IFT81: variants seen among roughly 807,000 people sequenced by gnomAD.
IFT81 encodes intraflagellar transport 81, also known as intraflagellar transport protein 81 homolog.
In IFT81, 72 loss-of-function variants were observed where a neutral mutation model predicts 102.6. The ratio of observed to expected loss-of-function variants is 0.70; its 90% CI spans 0.58 to 0.85. The LOEUF (loss-of-function observed/expected upper bound fraction) is 0.85, where lower values mean the gene tolerates loss of function less well. Among genes scored for constraint, IFT81 ranks in the 40% least tolerant of loss-of-function variants. IFT81 has a pLI of 0.00. For synonymous variants in IFT81, 237 were observed against 242.7 expected (o/e 0.98, Z 0.22); for missense variants, 723 against 787.3 (o/e 0.92, Z 0.98).
chr12:110,192,485 G>A, intron 13 of IFT81, 132 bp from the exon 14 acceptor site: 1 of 534,036 alleles, frequency 1.9e-6, no homozygotes, highest in Non-Finnish European at 3.4e-6. Flanking sequence ...GCACTTCTCT[G>A]TTGTTTGGGA....
intron 10 of IFT81, among the ~76,000 whole-genome samples, chr12:110,154,611 AGC>A (rs1895733836): frequency 6.7e-6 from 1 of 148,948 alleles, no homozygotes. Flanking sequence ...TGGGTGACAG[AGC>A]AAGACTCTGT....
chr12:110,137,003 G>A lies in IFT81; in HGVS notation c.781+143G>A, dbSNP rs141045426. Reference sequence around the variant, plus strand: ...GAACATCATTTCCTAGCTGGAGAAGGAGAGCCCTGATAAAGACATCCCTGG... The same window carrying A: ...GAACATCATTTCCTAGCTGGAGAAGAAGAGCCCTGATAAAGACATCCCTGG... On this transcript the variant is annotated intron_variant, in intron 8 of 18. Transcript: ENST00000242591. 1.8e-3 allele frequency: 962 copies of A among 545,348 alleles called. 6 individuals carry two copies. Among genetic ancestry groups the A allele is most frequent in the African/African-American group, 0.017 (902 of 52,046 alleles). 33.8% of individuals were successfully genotyped at this position (545,348 alleles called of 1,614,324 possible).
intron 14 of IFT81, among the ~76,000 whole-genome samples, chr12:110,199,826 C>A (rs926033491): frequency 6.6e-6 from 1 of 152,152 alleles, no homozygotes; most frequent in African/African-American, 2.4e-5. Flanking sequence ...CTAAGGAAAC[C>A]GTGCAGCAGG....
rs551784966 is a variant in IFT81 at position 110,125,646 on chromosome 12, CG to C, written c.-22+787del. Reference sequence around the variant, plus strand: ...CTGACCTCAAGTGATCTGCCTGCCTCGGCCTCCCAAAGTACTGGGATTACAG... The same window carrying C: ...CTGACCTCAAGTGATCTGCCTGCCTCGCCTCCCAAAGTACTGGGATTACAG... On this transcript the variant is annotated intron_variant, in intron 1 of 18. Transcript: ENST00000242591. 6.3e-3 allele frequency among the ~76,000 whole-genome samples: 967 copies of C among 152,328 alleles called. 4 individuals are homozygous for C. The highest frequency in any genetic ancestry group is 0.017 in the Middle Eastern group (5 of 294).
intron 10 of IFT81, among the ~76,000 whole-genome samples, chr12:110,156,264 T>A (rs1895831540): frequency 6.6e-6 from 1 of 152,238 alleles, no homozygotes; most frequent in African/African-American, 2.4e-5. Flanking sequence ...AAAGTGGATT[T>A]ACAGACCGTT....
chr12:110,183,647 T>C (rs1016887859), intron 12 of IFT81, among the ~76,000 whole-genome samples: 6 of 152,208 alleles, frequency 3.9e-5, no homozygotes, highest in Non-Finnish European at 8.8e-5. Context: ...CCGGTTTCCA[T>C]GTAATGAAAA....
intron 8 of IFT81, among the ~76,000 whole-genome samples, chr12:110,137,980 C>T (rs1479488492): frequency 6.6e-6 from 1 of 152,196 alleles, no homozygotes; most frequent in Non-Finnish European, 1.5e-5. Context: ...GTCCTAACAG[C>T]CCAGATTACA....
chr12:110,128,225 T>A (rs1893959773), intron 3 of IFT81, 76 bp downstream of exon 3: 2 of 854,224 alleles, frequency 2.3e-6, no homozygotes, highest in Non-Finnish European at 3.9e-6. Context: ...CAATCAATCT[T>A]TGTAGGTAAT....
chr12:110,144,049 G>A (rs1212659615), intron 9 of IFT81, among the ~76,000 whole-genome samples: 1 of 118,296 alleles, frequency 8.5e-6, no homozygotes, highest in Non-Finnish European at 1.6e-5. Flanking sequence ...TTGCTCTGTT[G>A]CCCAGGCTAG....
chr12:110,210,017 T>C (rs1869203284), intron 18 of IFT81, among the ~76,000 whole-genome samples: 1 of 152,186 alleles, frequency 6.6e-6, no homozygotes, highest in South Asian at 2.1e-4. Flanking sequence ...GAGCCACTCC[T>C]AGAAGTGGTA....
intron 10 of IFT81, among the ~76,000 whole-genome samples, chr12:110,158,147 T>C (rs975241267): frequency 6.6e-6 from 1 of 152,192 alleles, no homozygotes; most frequent in Non-Finnish European, 1.5e-5. Context: ...CTCAACTCAC[T>C]GCAACCTCCA....
intron 12 of IFT81, among the ~76,000 whole-genome samples, chr12:110,190,713 A>G (rs936973512): frequency 2.1e-4 from 32 of 152,198 alleles, no homozygotes; most frequent in Admixed American, 6.5e-5. Context: ...AATACTTCCT[A>G]TGTACCTGAA....
At chr12:110,193,520 TA>T (rs1325630465) in intron 14 of IFT81, among the ~76,000 whole-genome samples, 1 of 152,208 alleles carries the variant, frequency 6.6e-6, no homozygotes, top group Non-Finnish European at 1.5e-5. Context: ...GCTTTAAAGA[TA>T]AATTGTCAGA....
intron 10 of IFT81, 143 bp from the exon 11 acceptor site, chr12:110,162,776 G>C: frequency 1.6e-6 from 1 of 623,152 alleles, no homozygotes; most frequent in East Asian, 2.8e-5. Context: ...ATGATGAGTA[G>C]TAGGGCAAGG....
intron 8 of IFT81, among the ~76,000 whole-genome samples, chr12:110,142,328 C>T (rs1051956695): frequency 4.6e-5 from 7 of 152,102 alleles, no homozygotes; most frequent in African/African-American, 1.4e-4. Context: ...CCACCATGCC[C>T]GGCTAATTTT....
intron 8 of IFT81, among the ~76,000 whole-genome samples, chr12:110,139,577 C>T (rs934909117): frequency 1.3e-5 from 2 of 151,174 alleles, no homozygotes; most frequent in South Asian, 2.1e-4. Flanking sequence ...GCGAGACCAT[C>T]CTGGCTAACA....
chr12:110,137,693 G>A (rs533572366), intron 8 of IFT81, among the ~76,000 whole-genome samples: 2 of 152,102 alleles, frequency 1.3e-5, no homozygotes, highest in South Asian at 4.1e-4. Context: ...CCGAGATCGC[G>A]CCATTGTACT....
Position 110,143,486 on chromosome 12 carries a change from C to CA in IFT81, c.891dup (p.Val298SerfsTer11). The CA allele has an allele frequency of 6.5e-7, 1 of 1,547,898 alleles. No homozygotes were observed. The highest frequency in any genetic ancestry group is 8.6e-7 in the Non-Finnish European group (1 of 1,158,590). On this transcript the variant is annotated frameshift_variant, in exon 9 of 19. Transcript: ENST00000242591. LOFTEE classifies it high-confidence loss of function. ...TAAGAAAAAGGAATTACATTTTTTA[C>CA]AAAAAGTAGTTTCAGAGCCAGCTAT...
At chr12:110,160,554 C>T (rs1784470254) in intron 10 of IFT81, among the ~76,000 whole-genome samples, 1 of 152,192 alleles carries the variant, frequency 6.6e-6, no homozygotes, top group South Asian at 2.1e-4. Flanking sequence ...GGATGGTGCC[C>T]ACCACATTGA....
Sources: gnomAD v4.1 joint callset for allele counts (sites outside exome capture counted in the v4.1 genomes callset) on GRCh38, gnomAD v4.1.1 for gene constraint, MANE v1.5 for transcripts, NCBI Gene and HGNC (gene_info 2026-07-23, HGNC 2026-07-21) for gene names.